Variants in CLCN3 observed in about 807,000 individuals in gnomAD.
CLCN3 encodes Cl-/H+ antiporter 3, also known as H(+)/Cl(-) exchange transporter 3.
CLCN3 carries 16 observed loss-of-function variants against 83.4 expected under a neutral mutation model. The observed-to-expected ratio is 0.19, with a 90% confidence interval of 0.13 to 0.29. The LOEUF (loss-of-function observed/expected upper bound fraction) is 0.29, where lower values mean the gene tolerates loss of function less well. Among genes scored for constraint, CLCN3 ranks in the 10% least tolerant of loss-of-function variants. CLCN3 has a pLI of 1.00. For synonymous variants in CLCN3, 322 were observed against 346.2 expected (o/e 0.93, Z 0.78); for missense variants, 544 against 1,006.0 (o/e 0.54, Z 6.21).
At chr4:169,636,697 A>G (rs1199931528) in intron 2 of CLCN3, among the ~76,000 whole-genome samples, 1 of 137,302 alleles carries the variant, frequency 7.3e-6, no homozygotes, top group East Asian at 2.2e-4. Context: ...ACATGCTTCA[A>G]TTTATTTAGT....
intron 2 of CLCN3, among the ~76,000 whole-genome samples, chr4:169,674,785 C>G (rs1032850648): frequency 1.3e-5 from 2 of 152,000 alleles, no homozygotes; most frequent in African/African-American, 2.4e-5. Flanking sequence ...GAGTTTTGCT[C>G]TGTCGCCCAG....
chr4:169,683,007 C>T (rs553250191), intron 3 of CLCN3, among the ~76,000 whole-genome samples: 3 of 152,244 alleles, frequency 2.0e-5, no homozygotes, highest in African/African-American at 7.2e-5. Context: ...CTATTTTAAT[C>T]CAAAGTGCCT....
chr4:169,635,413 A>G (rs1459201412), intron 1 of CLCN3, among the ~76,000 whole-genome samples: 2 of 152,170 alleles, frequency 1.3e-5, no homozygotes, highest in African/African-American at 2.4e-5. Flanking sequence ...ATGTTTGACC[A>G]TAGGCTCTGA....
intron 2 of CLCN3, among the ~76,000 whole-genome samples, chr4:169,670,612 C>G (rs1203540408): frequency 6.6e-6 from 1 of 151,950 alleles, no homozygotes; most frequent in Non-Finnish European, 1.5e-5. Context: ...TTTTTTGGTT[C>G]CATATGAAAT....
At chr4:169,626,461 C>G (rs892431559) in intron 1 of CLCN3, among the ~76,000 whole-genome samples, 1 of 152,238 alleles carries the variant, frequency 6.6e-6, no homozygotes, top group Non-Finnish European at 1.5e-5. Context: ...TGGGGAAACC[C>G]AGCAAGGCCT....
At chr4:169,691,676 C>A (rs1203005296) in intron 6 of CLCN3, among the ~76,000 whole-genome samples, 1 of 152,082 alleles carries the variant, frequency 6.6e-6, no homozygotes, top group African/African-American at 2.4e-5. Flanking sequence ...ATTCTTGATA[C>A]ATAAAAAACT....
At chr4:169,625,357 C>G (rs916800191) in intron 1 of CLCN3, among the ~76,000 whole-genome samples, 4 of 152,158 alleles carry the variant, frequency 2.6e-5, no homozygotes, top group Non-Finnish European at 5.9e-5. Context: ...TGTACCCAGT[C>G]AGTCTCCTTT....
chr4:169,633,644 C>T (rs1047446436), intron 1 of CLCN3, among the ~76,000 whole-genome samples: 1 of 152,070 alleles, frequency 6.6e-6, no homozygotes, highest in African/African-American at 2.4e-5. Flanking sequence ...ATGCAAGCCA[C>T]ATAGGTAATT....
chr4:169,707,343 T>G, intron 11 of CLCN3, 77 bp downstream of exon 11: 1 of 1,150,400 alleles, frequency 8.7e-7, no homozygotes, highest in South Asian at 1.8e-5. Flanking sequence ...CAGTAACATT[T>G]AATGGGTTGG....
At chr4:169,680,414 C>T in intron 3 of CLCN3, 1 of 421,892 alleles carries the variant, frequency 2.4e-6, no homozygotes. Flanking sequence ...GAAAGGATTT[C>T]AGGTAGCTAA....
intron 1 of CLCN3, among the ~76,000 whole-genome samples, chr4:169,627,620 A>G (rs1229819368): frequency 2.6e-5 from 4 of 152,192 alleles, no homozygotes; most frequent in African/African-American, 9.7e-5. Flanking sequence ...TGAATACTAG[A>G]TAAATGGTGA....
At position 169,692,270 on chromosome 4, in the gene CLCN3, T is replaced by A; in HGVS notation, c.886T>A (p.Phe296Ile). ...VHVACCCGNI[F>I]SYLFPKYSTN... ...TGTTGCCTGTTGCTGCGGAAATATCTTTTCCTACCTCTTTCCAAAGTATAG... is the reference window on the plus strand; with the variant it reads ...TGTTGCCTGTTGCTGCGGAAATATCATTTCCTACCTCTTTCCAAAGTATAG... The change falls in exon 7 of 13, where the codon TTT becomes ATT. Residue 296 changes from phenylalanine (F) to isoleucine (I), a missense_variant. Physicochemically the swap from Phe to Ile is conservative, Grantham distance 21. Transcript: ENST00000513761. 6 of 1,613,526 alleles carry A rather than the reference T, an allele frequency of 3.7e-6. No homozygotes were observed. Among genetic ancestry groups the A allele is most frequent in the Non-Finnish European group, 5.1e-6 (6 of 1,179,552 alleles).
intron 9 of CLCN3, among the ~76,000 whole-genome samples, chr4:169,699,806 C>T (rs1336542776): frequency 6.6e-6 from 1 of 152,068 alleles, no homozygotes; most frequent in Non-Finnish European, 1.5e-5. Context: ...CACTTAAACC[C>T]AGGAGGTGGA....
At chr4:169,667,784 C>T (rs571008127) in intron 2 of CLCN3, among the ~76,000 whole-genome samples, 9 of 149,294 alleles carry the variant, frequency 6.0e-5, no homozygotes, top group Admixed American at 2.0e-4. Context: ...CTCGCTCTGT[C>T]GCCCAGGTTG....
In CLCN3 at chr4:169,723,213, G is replaced by GT. The variant is rs1316960389; in HGVS notation, c.*3217dup. 6.6e-6 allele frequency: 1 copy of GT among 152,162 alleles called. No homozygotes were observed. The highest frequency in any genetic ancestry group is 1.5e-5 in the Non-Finnish European group (1 of 68,032). The allele number at this position is 152,162 out of a possible 1,614,324, so 9.4% of individuals were successfully genotyped here. A position where few individuals can be genotyped will look rare whatever the true frequency, so the allele number is the denominator to read the frequency against. On this transcript the variant is annotated 3_prime_UTR_variant, in exon 13 of 13. Coordinates refer to ENST00000513761, the MANE Select transcript of CLCN3 (RefSeq NM_001829.4). ...TGTGGTTTGGCCTTTAATTATATCT[G>GT]TAACAGTCCTCCCTCTTCACTGCTG...
chr4:169,641,838 G>A (rs573849465), intron 2 of CLCN3, among the ~76,000 whole-genome samples: 11 of 152,100 alleles, frequency 7.2e-5, no homozygotes, highest in African/African-American at 1.9e-4. Context: ...TCTAAGAGGC[G>A]GATTCATATT....
intron 1 of CLCN3, among the ~76,000 whole-genome samples, chr4:169,632,896 G>A (rs1026763974): frequency 6.6e-6 from 1 of 152,024 alleles, no homozygotes; most frequent in Admixed American, 6.6e-5. Flanking sequence ...AAAAAACTGT[G>A]CTGGCTGCAG....
At chr4:169,676,501 CTT>C (rs1354162957) in intron 2 of CLCN3, among the ~76,000 whole-genome samples, 1 of 144,684 alleles carries the variant, frequency 6.9e-6, no homozygotes, top group Non-Finnish European at 1.6e-5. Flanking sequence ...ACTCTAAACT[CTT>C]TTTCTTTTCT....
chr4:169,675,747 A>G (rs182781027), intron 2 of CLCN3, among the ~76,000 whole-genome samples: 1 of 152,302 alleles, frequency 6.6e-6, no homozygotes. Context: ...ATGTATCTTT[A>G]TTATAAGCTG....
Sources: gnomAD v4.1 joint callset for allele counts (sites outside exome capture counted in the v4.1 genomes callset) on GRCh38, gnomAD v4.1.1 for gene constraint, MANE v1.5 for transcripts, NCBI Gene and HGNC (gene_info 2026-07-23, HGNC 2026-07-21) for gene names.